SGCZ: variants seen among roughly 807,000 people sequenced by gnomAD.
The protein encoded by SGCZ is zeta-sarcoglycan.
In SGCZ, 40 loss-of-function variants were observed where a neutral mutation model predicts 41.3. The observed-to-expected ratio is 0.97, with a 90% confidence interval of 0.75 to 1.26. The LOEUF (loss-of-function observed/expected upper bound fraction) is 1.26, where lower values mean the gene tolerates loss of function less well. SGCZ is among the 50% of genes most tolerant of loss of function. The pLI is 0.00. For missense variants in SGCZ, 552 were observed against 369.8 expected (o/e 1.49, Z -4.04); for synonymous variants, 206 against 137.5 (o/e 1.50, Z -3.49).
chr8:14,757,533 G>A (rs1233457861), intron 1 of SGCZ, among the ~76,000 whole-genome samples: 1 of 152,084 alleles, frequency 6.6e-6, no homozygotes, highest in Non-Finnish European at 1.5e-5. Context: ...CTAGACTCCT[G>A]CAACAGAAAT....
Position 14,916,893 on chromosome 8 carries a change from A to AT in SGCZ, c.39+320691dup, listed in dbSNP as rs1007768373. ...ACAATGTTTATTCTGTTATTTATGAATTTTTTTTGTATTTACTGCTAGGTT... is the reference window on the plus strand; with the variant it reads ...ACAATGTTTATTCTGTTATTTATGAATTTTTTTTTGTATTTACTGCTAGGTT... On this transcript the variant is annotated intron_variant, in intron 1 of 7. Coordinates refer to ENST00000382080, the MANE Select transcript of SGCZ (RefSeq NM_139167.4). Among the ~76,000 whole-genome samples the AT allele has an allele frequency of 3.3e-5, 5 of 152,040 alleles. No homozygotes were observed. In the East Asian group the frequency reaches 7.7e-4, roughly 23 times the overall value.
intron 5 of SGCZ, among the ~76,000 whole-genome samples, chr8:14,119,364 G>C (rs776598370): frequency 2.0e-5 from 3 of 149,460 alleles, no homozygotes; most frequent in Non-Finnish European, 4.5e-5. Flanking sequence ...CTCTCTGTTT[G>C]TCTATTATTG....
chr8:14,162,231 C>T (rs1804068975), intron 5 of SGCZ, among the ~76,000 whole-genome samples: 1 of 152,082 alleles, frequency 6.6e-6, no homozygotes, highest in African/African-American at 2.4e-5. Context: ...ATCGTAAAAG[C>T]TGCCAAGAAC....
chr8:14,512,492 G>A (rs1027620516), intron 2 of SGCZ, among the ~76,000 whole-genome samples: 4 of 151,972 alleles, frequency 2.6e-5, no homozygotes, highest in African/African-American at 9.7e-5. Context: ...ACAAGATCTC[G>A]CTCTGTTGCT....
At chr8:14,947,842 T>C (rs1263570083) in intron 1 of SGCZ, among the ~76,000 whole-genome samples, 3 of 152,222 alleles carry the variant, frequency 2.0e-5, no homozygotes, top group African/African-American at 7.2e-5. Context: ...TTAGTTTGCC[T>C]TATAGGCAGC....
chr8:15,161,100 G>C (rs556479803), intron 1 of SGCZ, among the ~76,000 whole-genome samples: 1 of 152,118 alleles, frequency 6.6e-6, no homozygotes, highest in Non-Finnish European at 1.5e-5. Context: ...ATCCTTAGGT[G>C]ATCTGGTTCC....
At chr8:14,827,664 G>A (rs961295824) in intron 1 of SGCZ, among the ~76,000 whole-genome samples, 7 of 152,168 alleles carry the variant, frequency 4.6e-5, no homozygotes, top group African/African-American at 1.7e-4. Flanking sequence ...GACACTGTGT[G>A]CCCTGCAGAG....
At chr8:14,793,053 T>A (rs533243370) in intron 1 of SGCZ, among the ~76,000 whole-genome samples, 1 of 152,224 alleles carries the variant, frequency 6.6e-6, no homozygotes, top group African/African-American at 2.4e-5. Context: ...AAATACAATA[T>A]GTGATCTATC....
rs529591683 is a variant in SGCZ at position 14,865,944 on chromosome 8, T to C, written c.40-311018A>G. On this transcript the variant is annotated intron_variant, in intron 1 of 7. Transcript: ENST00000382080. ...GGGGACCCCTTGTCATTAATTTGCC[T>C]CTATAAGGACCTAACTCTTAAGGAA... Among the ~76,000 whole-genome samples, 67 of 152,242 alleles carry C rather than the reference T, an allele frequency of 4.4e-4. 2 individuals are homozygous for C. In the South Asian group the frequency reaches 0.013, roughly 30 times the overall value.
chr8:15,201,973 G>C (rs377118358), intron 1 of SGCZ, among the ~76,000 whole-genome samples: 13 of 152,184 alleles, frequency 8.5e-5, no homozygotes, highest in East Asian at 5.8e-4. Flanking sequence ...AATGTAGTTT[G>C]ATTTTTTTCA....
Position 14,587,212 on chromosome 8 carries a change from A to G in SGCZ, c.40-32286T>C, listed in dbSNP as rs77652180. Among the ~76,000 whole-genome samples the G allele has an allele frequency of 6.8e-3, 1,038 of 152,162 alleles. 11 individuals carry two copies. The highest frequency in any genetic ancestry group is 0.023 in the African/African-American group (967 of 41,536). On this transcript the variant is annotated intron_variant, in intron 1 of 7. Transcript: ENST00000382080. ...GAGGGTTTTACACAATTGCTAAATGATAATAAAGTTTCAACCAAACTTCTA... is the reference window on the plus strand; with the variant it reads ...GAGGGTTTTACACAATTGCTAAATGGTAATAAAGTTTCAACCAAACTTCTA...
rs187505948 is a variant in SGCZ at position 14,322,371 on chromosome 8, A to T, written c.336+1732T>A. On this transcript the variant is annotated intron_variant, in intron 3 of 7. Coordinates refer to ENST00000382080, the MANE Select transcript of SGCZ (RefSeq NM_139167.4). ...GTAGGTTTTGGAAATGCTTGTGAAC[A>T]TGGAGTTAGCTTTCTCGGGGATGGA... 1.1e-3 allele frequency among the ~76,000 whole-genome samples: 164 copies of T among 152,206 alleles called. 1 individual carries two copies. The highest frequency in any genetic ancestry group is 3.7e-3 in the African/African-American group (155 of 41,536).
chr8:14,582,146 C>G (rs1044676763), intron 1 of SGCZ, among the ~76,000 whole-genome samples: 2 of 152,038 alleles, frequency 1.3e-5, no homozygotes, highest in African/African-American at 4.8e-5. Context: ...TTTTATTTCT[C>G]TAATTATGTA....
At chr8:14,537,417 C>G (rs1803329288) in intron 2 of SGCZ, among the ~76,000 whole-genome samples, 1 of 151,746 alleles carries the variant, frequency 6.6e-6, no homozygotes, top group African/African-American at 2.4e-5. Flanking sequence ...TACAAAAGAT[C>G]CAAACAAGAC....
chr8:14,408,483 C>T (rs557142447), intron 2 of SGCZ, among the ~76,000 whole-genome samples: 79 of 152,208 alleles, frequency 5.2e-4, no homozygotes, highest in Non-Finnish European at 6.9e-4. Context: ...CCTCCATTTA[C>T]CCAGGTGGCC....
At chr8:14,819,950 G>C (rs1468266223) in intron 1 of SGCZ, among the ~76,000 whole-genome samples, 1 of 151,868 alleles carries the variant, frequency 6.6e-6, no homozygotes, top group African/African-American at 2.4e-5. Context: ...GAGTAAGAAA[G>C]GAACAATGTA....
At chr8:14,645,868 A>G (rs1485079029) in intron 1 of SGCZ, among the ~76,000 whole-genome samples, 2 of 151,852 alleles carry the variant, frequency 1.3e-5, no homozygotes, top group Admixed American at 6.6e-5. Flanking sequence ...GTTTTACTCA[A>G]TTAAACTAAA....
intron 2 of SGCZ, among the ~76,000 whole-genome samples, chr8:14,507,676 A>T (rs1192072083): frequency 1.3e-5 from 2 of 152,046 alleles, no homozygotes; most frequent in Non-Finnish European, 1.5e-5. Flanking sequence ...TCTGCATGGA[A>T]TGCAATTCTT....
intron 3 of SGCZ, among the ~76,000 whole-genome samples, chr8:14,267,855 G>A (rs1427842792): frequency 6.6e-6 from 1 of 151,676 alleles, no homozygotes; most frequent in Non-Finnish European, 1.5e-5. Context: ...CTTTGCTCAA[G>A]GTATATATTC....
Sources: gnomAD v4.1 joint callset for allele counts (sites outside exome capture counted in the v4.1 genomes callset) on GRCh38, gnomAD v4.1.1 for gene constraint, MANE v1.5 for transcripts, NCBI Gene and HGNC (gene_info 2026-07-23, HGNC 2026-07-21) for gene names.